The following MAP4 variants were observed in gnomAD, a reference collection of about 807,000 sequenced individuals.
The protein encoded by MAP4 is microtubule associated protein 4.
Under a neutral mutation model 170.2 loss-of-function variants are expected in MAP4, and 76 were observed. The observed-to-expected ratio is 0.45, with a 90% confidence interval of 0.37 to 0.54. The LOEUF is 0.54. MAP4 is among the 20% of genes least tolerant of loss of function. MAP4 has a pLI of 0.00. For missense variants in MAP4, 2,506 were observed against 2,748.0 expected (o/e 0.91, Z 1.97); for synonymous variants, 909 against 994.5 (o/e 0.91, Z 1.62).
Position 48,072,238 on chromosome 3 carries a change from T to C in MAP4, c.-20+16535A>G, listed in dbSNP as rs936217643. On this transcript the variant is annotated intron_variant, in intron 1 of 18. Transcript: ENST00000360240. The stretch of plus-strand genomic sequence containing the variant: ...TAATAATAAATTTGGCCAGGCACGC[T>C]GGCTCATGCCTGTAATCCCAGCACT... Among the ~76,000 whole-genome samples, 4 of 152,106 alleles carry C rather than the reference T, an allele frequency of 2.6e-5. No homozygotes were observed. In the South Asian group the frequency reaches 8.3e-4, roughly 32 times the overall value.
chr3:48,030,798 C>CAAA (rs71625847), intron 1 of MAP4, among the ~76,000 whole-genome samples: 12 of 29,098 alleles, frequency 4.1e-4, no homozygotes, highest in Non-Finnish European at 6.4e-4. Flanking sequence ...GACTCCATCT[C>CAAA]AAAAAAAAAA....
chr3:47,977,488 T>C (rs756533639), intron 3 of MAP4, among the ~76,000 whole-genome samples: 2 of 152,196 alleles, frequency 1.3e-5, no homozygotes, highest in Non-Finnish European at 2.9e-5. Flanking sequence ...AACATTGAAC[T>C]GTAGAAAGCT....
intron 10 of MAP4, among the ~76,000 whole-genome samples, chr3:47,882,661 A>AGTG (rs1287918522): frequency 6.6e-6 from 1 of 152,108 alleles, no homozygotes; most frequent in Non-Finnish European, 1.5e-5. Context: ...GCTGGTCTCA[A>AGTG]ACTCTGGGCT....
At chr3:47,891,522 CAGG>C in intron 10 of MAP4, 1 of 1,514,886 alleles carries the variant, frequency 6.6e-7, no homozygotes. Flanking sequence ...TCTTCTCGGG[CAGG>C]GAGTTCAGGG....
chr3:47,874,995 A>C (rs1398855686), intron 12 of MAP4, among the ~76,000 whole-genome samples: 2 of 150,978 alleles, frequency 1.3e-5, no homozygotes, highest in East Asian at 3.8e-4. Context: ...CTCCTGGAGC[A>C]ATTCTGTAAC....
intron 1 of MAP4, among the ~76,000 whole-genome samples, chr3:48,022,848 G>A (rs558012930): frequency 2.0e-4 from 30 of 152,120 alleles, no homozygotes; most frequent in Middle Eastern, 3.4e-3. Flanking sequence ...CCAAGATTGC[G>A]CCACGGCACT....
At chr3:48,052,674 G>A (rs2154549998) in intron 1 of MAP4, among the ~76,000 whole-genome samples, 1 of 152,246 alleles carries the variant, frequency 6.6e-6, no homozygotes, top group South Asian at 2.1e-4. Context: ...TTCAGATTCT[G>A]GACTCCACTC....
At chr3:48,078,311 AT>A (rs758589017) in intron 1 of MAP4, among the ~76,000 whole-genome samples, 1,582 of 125,246 alleles carry the variant, frequency 0.013, 21 homozygotes, top group African/African-American at 0.04. Context: ...TGCCTGGCTA[AT>A]TTTTTTTTTT....
rs376835752 is a variant in MAP4, at chr3:47,909,604, G to A, written c.4817C>T (p.Pro1606Leu). The change falls in exon 9 of 21, where the codon CCA becomes CTA. Residue 1606 changes from proline to leucine, a missense_variant. This residue lies in a region of MAP4 where 2,008 missense variants were observed against 2,206.0 expected (regional missense o/e 0.91). Coordinates refer to ENST00000683076, the MANE Select transcript of MAP4 (RefSeq NM_001385682.1). ...YADRGNFPAH[P>L]VNEEKETKEG... ...TTTAGTCTCTTTCTCTTCATTCACT[G>A]GATGTGCTGGGAAATTACCTCTATC... is the stretch of plus-strand genomic sequence containing the variant. 1 of 1,613,380 alleles carries A rather than the reference G, an allele frequency of 6.2e-7. No individual in the cohort carries two copies. Among genetic ancestry groups the A allele is most frequent in the Non-Finnish European group, 8.5e-7 (1 of 1,179,876 alleles).
At chr3:47,963,125 T>C (rs539572335) in intron 3 of MAP4, among the ~76,000 whole-genome samples, 2 of 152,314 alleles carry the variant, frequency 1.3e-5, no homozygotes, top group African/African-American at 4.8e-5. Flanking sequence ...AGTTTTGTCC[T>C]CTAGAAACAG....
intron 1 of MAP4, among the ~76,000 whole-genome samples, chr3:48,028,287 A>G (rs1478702079): frequency 6.6e-6 from 1 of 151,918 alleles, no homozygotes; most frequent in Admixed American, 6.6e-5. Context: ...GCAAGACACC[A>G]TCTCTGGGGG....
At chr3:47,862,509 G>A (rs930086122) in intron 17 of MAP4, among the ~76,000 whole-genome samples, 3 of 151,398 alleles carry the variant, frequency 2.0e-5, no homozygotes, top group African/African-American at 7.3e-5. Context: ...ACGGAGTCTC[G>A]CTCTGTCACC....
At chr3:47,982,917 A>T (rs946473439) in intron 2 of MAP4, among the ~76,000 whole-genome samples, 1 of 152,192 alleles carries the variant, frequency 6.6e-6, no homozygotes, top group African/African-American at 2.4e-5. Context: ...TTTTTGTTTG[A>T]GACAGAGTCT....
intron 1 of MAP4, among the ~76,000 whole-genome samples, chr3:48,077,355 C>T (rs1015884156): frequency 3.3e-5 from 5 of 150,418 alleles, no homozygotes; most frequent in African/African-American, 1.2e-4. Flanking sequence ...GCAGGAGAAT[C>T]GAATCACTTG....
intron 1 of MAP4, among the ~76,000 whole-genome samples, chr3:48,010,832 T>C (rs924838134): frequency 7.2e-5 from 11 of 152,174 alleles, no homozygotes; most frequent in Non-Finnish European, 1.5e-4. Context: ...TCCCAGCCTA[T>C]ATCTTTCTCC....
At position 47,855,524 on chromosome 3, in the gene MAP4, T is replaced by A. The variant is rs1279497545; in HGVS notation, c.6584-164A>T. Reference sequence around the variant, plus strand: ...GTTTGTCTAAAGAGGACTTCTCATATCACAGTGAGGCTGAGACAATCTCTC... The same window carrying A: ...GTTTGTCTAAAGAGGACTTCTCATAACACAGTGAGGCTGAGACAATCTCTC... On this transcript the variant is annotated intron_variant, in intron 18 of 20. Coordinates refer to ENST00000683076, the MANE Select transcript of MAP4 (RefSeq NM_001385682.1). The surrounding 1 kb of genome is among the most constrained non-coding windows in gnomAD (Gnocchi z 5.1). 6.6e-6 allele frequency among the ~76,000 whole-genome samples: 1 copy of A among 152,170 alleles called. No homozygotes were observed. Among genetic ancestry groups the A allele is most frequent in the Admixed American group, 6.5e-5 (1 of 15,272 alleles).
intron 1 of MAP4, among the ~76,000 whole-genome samples, chr3:48,054,889 G>C (rs1046592563): frequency 6.6e-6 from 1 of 151,402 alleles, no homozygotes; most frequent in African/African-American, 2.4e-5. Context: ...AGTCTAGCAA[G>C]ACAGAAAAGT....
chr3:47,955,201 G>A (rs1296199690), intron 3 of MAP4, among the ~76,000 whole-genome samples: 2 of 152,048 alleles, frequency 1.3e-5, no homozygotes, highest in Non-Finnish European at 2.9e-5. Flanking sequence ...CCCAGATATA[G>A]CATCTTTACT....
At chr3:48,017,202 A>G (rs77204728), upstream of MAP4, among the ~76,000 whole-genome samples, 1,587 of 152,340 alleles carry the variant, frequency 0.01, 28 homozygotes, top group African/African-American at 0.036. Context: ...AGGATCGGCG[A>G]AAAGAGCCAC....
Sources: gnomAD v4.1 joint callset for allele counts (sites outside exome capture counted in the v4.1 genomes callset) on GRCh38, gnomAD v4.1.1 for gene constraint, gnomAD v4.1.1 regional missense constraint, Gnocchi (gnomAD v3.1) non-coding constraint, MANE v1.5 for transcripts, NCBI Gene and HGNC (gene_info 2026-07-23, HGNC 2026-07-21) for gene names.